Variants in SMC6 observed in about 807,000 individuals in gnomAD.
SMC6 encodes the protein structural maintenance of chromosomes protein 6.
Under a neutral mutation model 142.2 loss-of-function variants are expected in SMC6, and 79 were observed. That is an observed-to-expected ratio of 0.56 (90% CI 0.46 to 0.67). The LOEUF is 0.67. SMC6 is among the 30% of genes least tolerant of loss of function. The probability of loss-of-function intolerance (pLI) is 0.00; values close to 1 mark genes in which losing one functional copy is unlikely to be tolerated. For synonymous variants in SMC6, 411 were observed against 412.4 expected (o/e 1.00, Z 0.04); for missense variants, 1,072 against 1,284.0 (o/e 0.83, Z 2.52).
intron 26 of SMC6, among the ~76,000 whole-genome samples, chr2:17,669,001 G>A (rs779690716): frequency 2.0e-5 from 3 of 152,154 alleles, no homozygotes; most frequent in Non-Finnish European, 2.9e-5. Flanking sequence ...CTGGGAGTCC[G>A]GAGAAGAGGC....
chr2:17,744,698 A>G (rs1220467573), intron 3 of SMC6, among the ~76,000 whole-genome samples: 1 of 152,184 alleles, frequency 6.6e-6, no homozygotes, highest in Non-Finnish European at 1.5e-5. Flanking sequence ...ATTAAGTATA[A>G]TGTTAGCTGT....
At chr2:17,671,275 G>A (rs956574228) in intron 25 of SMC6, among the ~76,000 whole-genome samples, 3 of 151,888 alleles carry the variant, frequency 2.0e-5, no homozygotes, top group African/African-American at 4.8e-5. Flanking sequence ...ATTACTGAAC[G>A]TCAAAAGGAC....
chr2:17,741,020 T>C (rs755371129), intron 4 of SMC6, among the ~76,000 whole-genome samples: 3 of 152,158 alleles, frequency 2.0e-5, no homozygotes. Context: ...AGCTTCTGCC[T>C]CTCTCCACTG....
chr2:17,728,454 G>C (rs1342182322), intron 7 of SMC6, among the ~76,000 whole-genome samples: 1 of 152,048 alleles, frequency 6.6e-6, no homozygotes, highest in Non-Finnish European at 1.5e-5. Context: ...CCAGCACTTT[G>C]GGAGGCCAAG....
chr2:17,723,065 T>G (rs1167818799), intron 9 of SMC6, among the ~76,000 whole-genome samples: 1 of 151,438 alleles, frequency 6.6e-6, no homozygotes, highest in African/African-American at 2.4e-5. Context: ...AAACTTCCTA[T>G]CTCAATAAAC....
At chr2:17,751,650 G>T (rs1052028401) in intron 2 of SMC6, among the ~76,000 whole-genome samples, 3 of 152,188 alleles carry the variant, frequency 2.0e-5, no homozygotes, top group Non-Finnish European at 4.4e-5. Flanking sequence ...AGAAAAGCAT[G>T]CTCAGAGAGA....
chr2:17,685,470 T>C (rs1239463507), intron 23 of SMC6, among the ~76,000 whole-genome samples: 2 of 152,104 alleles, frequency 1.3e-5, no homozygotes, highest in Admixed American at 1.3e-4. Context: ...CAAATTCTTA[T>C]CAACTTGTAA....
chr2:17,669,475 T>C lies in SMC6; in HGVS notation c.3063+948A>G, dbSNP rs182251099. 4.6e-5 allele frequency among the ~76,000 whole-genome samples: 7 copies of C among 152,180 alleles called. No homozygotes were observed. The East Asian group carries it at 1.2e-3, about 25-fold the overall frequency. On this transcript the variant is annotated intron_variant, in intron 26 of 27. Coordinates refer to ENST00000448223, the MANE Select transcript of SMC6 (RefSeq NM_001142286.2). ...GAATTCAGGAAAATCAACAACACTA[T>C]AACAAGCAAACAAAGATCTCAAACG...
intron 18 of SMC6, 33 bp from the exon 19 acceptor site, chr2:17,703,325 T>C (rs1668359195): frequency 6.4e-7 from 1 of 1,564,464 alleles, no homozygotes; most frequent in South Asian, 1.2e-5. Context: ...GAAAATACTT[T>C]AAATCTTTTT....
chr2:17,751,181 T>G (rs1671011040), intron 2 of SMC6, among the ~76,000 whole-genome samples: 1 of 151,986 alleles, frequency 6.6e-6, no homozygotes, highest in Non-Finnish European at 1.5e-5. Context: ...TTATTTTATT[T>G]GAAAACACTG....
At chr2:17,731,199 T>C in intron 6 of SMC6, 60 bp from the exon 7 acceptor site, 3 of 1,131,100 alleles carry the variant, frequency 2.7e-6, no homozygotes, top group Non-Finnish European at 3.9e-6. Context: ...ACAGAAAAAA[T>C]GTATAGTTAC....
chr2:17,726,087 TAAAAAAAAAAAAAAA>T (rs35471536), intron 8 of SMC6, among the ~76,000 whole-genome samples: 1 of 54,942 alleles, frequency 1.8e-5, no homozygotes, highest in African/African-American at 9.1e-5. Flanking sequence ...GGCTCTGTCT[TAAAAAAAAAAAAAAA>T]AAAAAAAAAA....
intron 18 of SMC6, among the ~76,000 whole-genome samples, chr2:17,706,150 T>C (rs1668495722): frequency 6.6e-6 from 1 of 152,148 alleles, no homozygotes; most frequent in Admixed American, 6.5e-5. Context: ...AATAAAAGAA[T>C]AAAATTTTAA....
intron 25 of SMC6, among the ~76,000 whole-genome samples, chr2:17,671,608 C>CAAAA (rs373510441): frequency 1.2e-4 from 10 of 83,346 alleles, no homozygotes; most frequent in African/African-American, 4.5e-4. Flanking sequence ...GACCCCGTCT[C>CAAAA]AAAAAAAAAA....
At chr2:17,715,103 AC>A in intron 15 of SMC6, 38 bp from the exon 16 acceptor site, 1 of 1,580,494 alleles carries the variant, frequency 6.3e-7, no homozygotes, top group Admixed American at 1.8e-5. Flanking sequence ...GCTCATAAAT[AC>A]TTATTTTGAA....
intron 7 of SMC6, among the ~76,000 whole-genome samples, chr2:17,729,149 A>G (rs1440586949): frequency 1.3e-5 from 2 of 152,230 alleles, no homozygotes; most frequent in Non-Finnish European, 2.9e-5. Context: ...CCAAAATATT[A>G]TCATTGTAAC....
intron 5 of SMC6, among the ~76,000 whole-genome samples, chr2:17,732,185 A>G (rs914943231): frequency 6.6e-6 from 1 of 152,256 alleles, no homozygotes; most frequent in South Asian, 2.1e-4. Flanking sequence ...AGACATGTAG[A>G]TAAGTTATAC....
intron 22 of SMC6, 83 bp from the exon 23 acceptor site, chr2:17,695,380 T>C: frequency 8.4e-7 from 1 of 1,195,758 alleles, no homozygotes; most frequent in Non-Finnish European, 1.2e-6. Flanking sequence ...ATCTGCAAAG[T>C]AAAATTCTGA....
intron 19 of SMC6, among the ~76,000 whole-genome samples, chr2:17,702,408 C>A (rs1668311655): frequency 6.6e-6 from 1 of 152,174 alleles, no homozygotes; most frequent in African/African-American, 2.4e-5. Flanking sequence ...AATACCACAA[C>A]AGACTGAATG....
Sources: allele counts gnomAD v4.1 joint callset (sites outside exome capture counted in the v4.1 genomes callset), GRCh38; gene constraint gnomAD v4.1.1; transcripts MANE v1.5; gene names NCBI Gene and HGNC (gene_info 2026-07-23, HGNC 2026-07-21).